The following AGPAT4 variants were observed in gnomAD, a reference collection of about 807,000 sequenced individuals.
AGPAT4 encodes the protein 1-acyl-sn-glycerol-3-phosphate acyltransferase delta.
Under a neutral mutation model 48.0 loss-of-function variants are expected in AGPAT4, and 15 were observed. The ratio of observed to expected loss-of-function variants is 0.31; its 90% confidence interval spans 0.21 to 0.48. The LOEUF is 0.48. Among genes scored for constraint, AGPAT4 ranks in the 20% least tolerant of loss-of-function variants. AGPAT4 has a pLI of 0.99. For missense variants in AGPAT4, 314 were observed against 482.5 expected, an observed-to-expected ratio of 0.65 and a Z score of 3.27; for synonymous variants, 178 against 198.7, an observed-to-expected ratio of 0.90 and a Z score of 0.88.
chr6:161,170,742 G>A (rs1050409533), intron 2 of AGPAT4, among the ~76,000 whole-genome samples: 1 of 152,214 alleles, frequency 6.6e-6, no homozygotes, highest in African/African-American at 2.4e-5. Context: ...CCCTACAGGA[G>A]CTGCTTCCAT....
At chr6:161,253,206 C>T (rs1027012223) in intron 1 of AGPAT4, among the ~76,000 whole-genome samples, 2 of 150,288 alleles carry the variant, frequency 1.3e-5, no homozygotes, top group African/African-American at 4.9e-5. Context: ...GAGCTAGACT[C>T]CAACTCAAAA....
rs62435555 is a variant in AGPAT4, at chr6:161,240,993, A to G, written c.-89-8691T>C. 0.26 allele frequency among the ~76,000 whole-genome samples: 39,730 copies of G among 151,954 alleles called. 6,429 individuals are homozygous for G. The highest frequency in any genetic ancestry group is 0.46 in the African/African-American group (19,237 of 41,388). On this transcript the variant is annotated intron_variant, in intron 1 of 8. Coordinates refer to ENST00000320285, the MANE Select transcript of AGPAT4 (RefSeq NM_020133.3). The surrounding 1 kb of genome is among the most constrained non-coding windows in gnomAD (Gnocchi z 5.5). The stretch of plus-strand genomic sequence containing the variant: ...AAAATAATCATCATCGGCCAGGTGC[A>G]GCGGCTCACACCTGTAATCCCAGCA...
rs565698377 is a variant in AGPAT4 at position 161,189,415 on chromosome 6, A to T, written c.179-22998T>A. 6.6e-6 allele frequency among the ~76,000 whole-genome samples: 1 copy of T among 152,298 alleles called. No homozygotes were observed. Among genetic ancestry groups the T allele is most frequent in the South Asian group, 2.1e-4 (1 of 4,822 alleles). On this transcript the variant is annotated intron_variant, in intron 2 of 8. Transcript: ENST00000320285. The surrounding 1 kb of genome is among the most constrained non-coding windows in gnomAD (Gnocchi z 5.3). The stretch of plus-strand genomic sequence containing the variant: ...GGGAAGAGGAGGAAGGCATTGAGGA[A>T]TCGGGGTGAAGAGAGAACCCACATG...
At chr6:161,192,655 C>T (rs1780960078) in intron 2 of AGPAT4, among the ~76,000 whole-genome samples, 1 of 151,906 alleles carries the variant, frequency 6.6e-6, no homozygotes, top group Non-Finnish European at 1.5e-5. Context: ...AGATCTTTTT[C>T]CTTTTCCTGA....
intron 1 of AGPAT4, among the ~76,000 whole-genome samples, 194 bp downstream of exon 1, chr6:161,273,744 T>G (rs1783502700): frequency 6.6e-6 from 1 of 151,780 alleles, no homozygotes; most frequent in South Asian, 2.1e-4. Flanking sequence ...AGAGCCTCTC[T>G]TCGCCTCCCT....
rs1029671186 is a variant in AGPAT4 at position 161,261,639 on chromosome 6, C to G, written c.-90+12299G>C. Among the ~76,000 whole-genome samples, 2 of 152,224 alleles carry G rather than the reference C, an allele frequency of 1.3e-5. No homozygotes were observed. The highest frequency in any genetic ancestry group is 4.8e-5 in the African/African-American group (2 of 41,470). On this transcript the variant is annotated intron_variant, in intron 1 of 8. Transcript: ENST00000320285. This position sits in a 1 kb window ranked among gnomAD's most constrained non-coding sequence, Gnocchi z 5.3. Reference sequence around the variant, plus strand: ...GATATTTTACCTTCCACAAATCCAGCTAATCATGTAGTGTTTGTAAGCTAC... The same window carrying G: ...GATATTTTACCTTCCACAAATCCAGGTAATCATGTAGTGTTTGTAAGCTAC...
intron 5 of AGPAT4, among the ~76,000 whole-genome samples, chr6:161,150,995 G>A (rs571988693): frequency 6.6e-6 from 1 of 152,262 alleles, no homozygotes; most frequent in Admixed American, 6.5e-5. Context: ...GAGAACCCAC[G>A]GGTTCCCCAA....
In AGPAT4 at chr6:161,166,933, G is replaced by A. The variant is rs1780117322; in HGVS notation, c.179-516C>T. Among the ~76,000 whole-genome samples, 1 of 152,194 alleles carries A rather than the reference G, an allele frequency of 6.6e-6. No homozygotes were observed. Among genetic ancestry groups the A allele is most frequent in the Non-Finnish European group, 1.5e-5 (1 of 68,028 alleles). ...AGCCCCAGCACCTGCAGGGCAGCGGGAGTGAGAGTCAGCCCACAGCAGGTC... is the reference window on the plus strand; with the variant it reads ...AGCCCCAGCACCTGCAGGGCAGCGGAAGTGAGAGTCAGCCCACAGCAGGTC... On this transcript the variant is annotated intron_variant, in intron 2 of 8. Transcript: ENST00000320285. This position sits in a 1 kb window ranked among gnomAD's most constrained non-coding sequence, Gnocchi z 6.7.
intron 2 of AGPAT4, among the ~76,000 whole-genome samples, chr6:161,173,859 C>T (rs1780351166): frequency 6.6e-6 from 1 of 152,216 alleles, no homozygotes; most frequent in South Asian, 2.1e-4. Context: ...CAGCTTTCTA[C>T]ATATGGCTAG....
At position 161,222,412 on chromosome 6, in the gene AGPAT4, C is replaced by T. The variant is rs1781859761; in HGVS notation, c.178+9624G>A. On this transcript the variant is annotated intron_variant, in intron 2 of 8. Coordinates refer to ENST00000320285, the MANE Select transcript of AGPAT4 (RefSeq NM_020133.3). The surrounding 1 kb of genome is among the most constrained non-coding windows in gnomAD (Gnocchi z 5.9). ...TCATCTCTAATTCCTAAAAATAGCA[C>T]TTTGACAACTTTACTTCCAGTCTAT... Among the ~76,000 whole-genome samples, 1 of 152,116 alleles carries T rather than the reference C, an allele frequency of 6.6e-6. No homozygotes were observed. Among genetic ancestry groups the T allele is most frequent in the Non-Finnish European group, 1.5e-5 (1 of 68,018 alleles).
Position 161,141,617 on chromosome 6 carries a change from C to T in AGPAT4, c.844-1997G>A, listed in dbSNP as rs980738727. On this transcript the variant is annotated intron_variant, in intron 7 of 8. Coordinates refer to ENST00000320285, the MANE Select transcript of AGPAT4 (RefSeq NM_020133.3). The surrounding 1 kb of genome is among the most constrained non-coding windows in gnomAD (Gnocchi z 6.7). Reference sequence around the variant, plus strand: ...AAAAAAAACAGCTTTCTTAAGATGTCACTTACATGCCATAGAACTCACCCA... The same window carrying T: ...AAAAAAAACAGCTTTCTTAAGATGTTACTTACATGCCATAGAACTCACCCA... Among the ~76,000 whole-genome samples, 2 of 151,832 alleles carry T rather than the reference C, an allele frequency of 1.3e-5. No individual in the cohort carries two copies. The highest frequency in any genetic ancestry group is 1.3e-4 in the Admixed American group (2 of 15,260).
intron 3 of AGPAT4, among the ~76,000 whole-genome samples, chr6:161,162,643 G>A (rs567894812): frequency 2.0e-5 from 3 of 152,292 alleles, no homozygotes; most frequent in East Asian, 1.9e-4. Flanking sequence ...GTTTTAAGCC[G>A]CTATGTTTTG....
chr6:161,205,172 GC>G (rs1781347506), intron 2 of AGPAT4, among the ~76,000 whole-genome samples: 1 of 151,850 alleles, frequency 6.6e-6, no homozygotes, highest in South Asian at 2.1e-4. Flanking sequence ...TGTATCTTCC[GC>G]CTCTCGTCCA....
chr6:161,205,076 G>A (rs988042374), intron 2 of AGPAT4, among the ~76,000 whole-genome samples: 11 of 152,156 alleles, frequency 7.2e-5, no homozygotes, highest in African/African-American at 2.2e-4. Flanking sequence ...CTCTGTGCTG[G>A]AAGGGACGTT....
rs1233249972 is a variant in AGPAT4 at position 161,139,141 on chromosome 6, C to T, written c.1042+281G>A. On this transcript the variant is annotated intron_variant, in intron 8 of 8. Coordinates refer to ENST00000320285, the MANE Select transcript of AGPAT4 (RefSeq NM_020133.3). This position sits in a 1 kb window ranked among gnomAD's most constrained non-coding sequence, Gnocchi z 9.1. ...ACAGGGAGGGAGCACTCCCAGCTGTCGGGGAGTGAAGTGGCAGCTGCATCA... is the reference window on the plus strand; with the variant it reads ...ACAGGGAGGGAGCACTCCCAGCTGTTGGGGAGTGAAGTGGCAGCTGCATCA... Among the ~76,000 whole-genome samples the T allele has an allele frequency of 6.6e-6, 1 of 152,180 alleles. No individual in the cohort carries two copies. Among genetic ancestry groups the T allele is most frequent in the Non-Finnish European group, 1.5e-5 (1 of 68,038 alleles).
chr6:161,200,987 A>T lies in AGPAT4; in HGVS notation c.178+31049T>A, dbSNP rs1458464710. Among the ~76,000 whole-genome samples, 1 of 152,216 alleles carries T rather than the reference A, an allele frequency of 6.6e-6. No homozygotes were observed. The highest frequency in any genetic ancestry group is 1.5e-5 in the Non-Finnish European group (1 of 68,048). ...GGGCCAGCCTGTGATCCTTTCCATC[A>T]GAGCAACAGGCAGAACGACAGCTTC... On this transcript the variant is annotated intron_variant, in intron 2 of 8. Transcript: ENST00000320285. The surrounding 1 kb of genome is among the most constrained non-coding windows in gnomAD (Gnocchi z 5.5).
Position 161,197,852 on chromosome 6 carries a change from A to T in AGPAT4, c.179-31435T>A, listed in dbSNP as rs956698606. Among the ~76,000 whole-genome samples the T allele has an allele frequency of 2.0e-5, 3 of 152,218 alleles. No individual in the cohort carries two copies. The highest frequency in any genetic ancestry group is 7.2e-5 in the African/African-American group (3 of 41,452). On this transcript the variant is annotated intron_variant, in intron 2 of 8. Transcript: ENST00000320285. The surrounding 1 kb of genome is among the most constrained non-coding windows in gnomAD (Gnocchi z 5.7). ...CTAGAGGAAATGTCATCATCAATAA[A>T]TACCCACTGCTGATTGATTGAAATG...
In AGPAT4 at chr6:161,165,633, G is replaced by A. The variant is rs780139178; in HGVS notation, c.348+615C>T. 1.5e-5 allele frequency: 19 copies of A among 1,303,660 alleles called. No homozygotes were observed. The highest frequency in any genetic ancestry group is 1.2e-5 in the South Asian group (1 of 80,946). The allele number at this position is 1,303,660 out of a possible 1,614,324, so 80.8% of individuals were successfully genotyped here. A position where few individuals can be genotyped will look rare whatever the true frequency, so the allele number is the denominator to read the frequency against. On this transcript the variant is annotated intron_variant, in intron 3 of 8. Transcript: ENST00000320285. This position sits in a 1 kb window ranked among gnomAD's most constrained non-coding sequence, Gnocchi z 5.5. ...TGTGACACAGGCTCAACCGCTACAC[G>A]CTGCAGTGTGTTGAAGACGACAAAA...
Position 161,137,100 on chromosome 6 carries a change from G to A in AGPAT4, c.1043-466C>T, listed in dbSNP as rs555711145. On this transcript the variant is annotated intron_variant, in intron 8 of 8. Coordinates refer to ENST00000320285, the MANE Select transcript of AGPAT4 (RefSeq NM_020133.3). The surrounding 1 kb of genome is among the most constrained non-coding windows in gnomAD (Gnocchi z 6.1). ...TTTCAGCACTGCTTTTGGTGCAAGC[G>A]TTAGAGCAGTGAGAAAATCCCCGCC... is the stretch of plus-strand genomic sequence containing the variant. Among the ~76,000 whole-genome samples the A allele has an allele frequency of 4.8e-4, 73 of 152,322 alleles. No homozygotes were observed. The South Asian group carries it at 7.5e-3, about 16-fold the overall frequency.
Sources: allele counts gnomAD v4.1 joint callset (sites outside exome capture counted in the v4.1 genomes callset), GRCh38; gene constraint gnomAD v4.1.1; non-coding constraint Gnocchi (gnomAD v3.1); transcripts MANE v1.5; gene names NCBI Gene and HGNC (gene_info 2026-07-23, HGNC 2026-07-21).